The following TFEC variants were observed in gnomAD, a reference collection of about 807,000 sequenced individuals.
TFEC encodes transcription factor EC, also known as class E basic helix-loop-helix protein 34.
In TFEC, 31 loss-of-function variants were observed where a neutral mutation model predicts 41.6. That is an observed-to-expected ratio of 0.74 (90% CI 0.56 to 1.01). The LOEUF is 1.01. Ranked by LOEUF, TFEC falls within the 50% of genes least tolerant of loss-of-function variation. The probability of loss-of-function intolerance (pLI) is 0.00; values close to 1 mark genes in which losing one functional copy is unlikely to be tolerated. For synonymous variants in TFEC, 143 were observed against 140.6 expected (o/e 1.02, Z -0.12); for missense variants, 402 against 404.1 (o/e 0.99, Z 0.04).
At chr7:116,018,907 T>C (rs919367850) in intron 1 of TFEC, among the ~76,000 whole-genome samples, 1 of 152,148 alleles carries the variant, frequency 6.6e-6, no homozygotes, top group African/African-American at 2.4e-5. Context: ...CACAGCAGCC[T>C]GGAGGCTGAG....
At chr7:115,962,625 C>G (rs1175598628) in intron 3 of TFEC, among the ~76,000 whole-genome samples, 1 of 151,728 alleles carries the variant, frequency 6.6e-6, no homozygotes, top group Non-Finnish European at 1.5e-5. Context: ...GTTGGAAAAA[C>G]TGGCTATCAT....
rs974632435 is a variant in TFEC, at chr7:115,995,091, T to G, written c.-72-10578A>C. ...AAACCATCATTCTGAGCAAACTATT[T>G]CAAGGACAGAAAACCAAACACCACA... On this transcript the variant is annotated intron_variant, in intron 1 of 7. Coordinates refer to ENST00000265440, the MANE Select transcript of TFEC (RefSeq NM_012252.4). Among the ~76,000 whole-genome samples, 10 of 150,658 alleles carry G rather than the reference T, an allele frequency of 6.6e-5. No individual in the cohort carries two copies. The South Asian group carries it at 1.5e-3, about 22-fold the overall frequency.
chr7:115,948,575 T>G (rs1240181427), intron 6 of TFEC, among the ~76,000 whole-genome samples: 1 of 152,168 alleles, frequency 6.6e-6, no homozygotes, highest in African/African-American at 2.4e-5. Context: ...ATCTGGCATA[T>G]AAACTGAACC....
At position 115,940,392 on chromosome 7, in the gene TFEC, C is replaced by A; in HGVS notation, c.*159G>T. ...ATAATTCATTAACACTATGATTTTT[C>A]TTCCTGCGAATTCTTCTGTTGCTTC... On this transcript the variant is annotated 3_prime_UTR_variant, in exon 8 of 8. Coordinates refer to ENST00000265440, the MANE Select transcript of TFEC (RefSeq NM_012252.4). 1.3e-6 allele frequency: 1 copy of A among 778,074 alleles called. No individual in the cohort carries two copies. Among genetic ancestry groups the A allele is most frequent in the Non-Finnish European group, 1.9e-6 (1 of 526,496 alleles). The allele number at this position is 778,074 out of a possible 1,614,324, so 48.2% of individuals were successfully genotyped here.
chr7:116,108,579 T>G (rs2116057241), intron 3 of TFEC, among the ~76,000 whole-genome samples: 1 of 152,258 alleles, frequency 6.6e-6, no homozygotes, highest in East Asian at 1.9e-4. Context: ...AAAATTAGAC[T>G]AAATTTTAGA....
At chr7:116,114,520 C>T (rs1397870919) in intron 1 of TFEC, among the ~76,000 whole-genome samples, 2 of 151,980 alleles carry the variant, frequency 1.3e-5, no homozygotes, top group African/African-American at 2.4e-5. Flanking sequence ...CTCCTCTGTA[C>T]ATTTGAGAGA....
chr7:116,046,617 C>A (rs1361888811), intron 3 of TFEC, among the ~76,000 whole-genome samples: 6 of 152,098 alleles, frequency 3.9e-5, no homozygotes, highest in Non-Finnish European at 8.8e-5. Flanking sequence ...AAGCCTTAAT[C>A]CAACATGAAT....
chr7:116,080,976 AGTGTGTGTGT>A (rs60317630), intron 3 of TFEC, among the ~76,000 whole-genome samples: 12 of 138,012 alleles, frequency 8.7e-5, no homozygotes, highest in South Asian at 2.4e-4. Flanking sequence ...AAGAAAATGT[AGTGTGTGTGT>A]GTGTGTGTGT....
chr7:116,121,020 T>C (rs1406390417), intron 1 of TFEC, among the ~76,000 whole-genome samples: 1 of 151,968 alleles, frequency 6.6e-6, no homozygotes, highest in Non-Finnish European at 1.5e-5. Context: ...AGTATTGCCA[T>C]GTGACTCAGC....
intron 2 of TFEC, among the ~76,000 whole-genome samples, chr7:115,978,592 A>G (rs942105605): frequency 5.3e-5 from 8 of 152,138 alleles, no homozygotes; most frequent in Non-Finnish European, 1.2e-4. Context: ...CAGATAGTCA[A>G]TCTCTCCACC....
At chr7:115,979,791 C>T (rs1220379283) in intron 2 of TFEC, among the ~76,000 whole-genome samples, 13 of 152,104 alleles carry the variant, frequency 8.5e-5, no homozygotes, top group Admixed American at 8.5e-4. Flanking sequence ...CATCTTCCAC[C>T]TTCACTTTCG....
chr7:115,941,516 G>A lies in TFEC; in HGVS notation c.663+377C>T, dbSNP rs138945527. The A allele has an allele frequency of 2.8e-3, 612 of 217,916 alleles. 2 individuals carry two copies. The highest frequency in any genetic ancestry group is 0.013 in the African/African-American group (588 of 44,032). The allele number at this position is 217,916 out of a possible 1,614,324, so 13.5% of individuals were successfully genotyped here. On this transcript the variant is annotated intron_variant, in intron 7 of 7. Transcript: ENST00000265440. Reference sequence around the variant, plus strand: ...TCCAATATAATGTAGAGAAACAAATGTTTTACTTAGTATTATTATTTGATT... The same window carrying A: ...TCCAATATAATGTAGAGAAACAAATATTTTACTTAGTATTATTATTTGATT...
At chr7:116,051,315 T>C (rs941566587) in intron 3 of TFEC, among the ~76,000 whole-genome samples, 2 of 152,144 alleles carry the variant, frequency 1.3e-5, no homozygotes, top group African/African-American at 4.8e-5. Flanking sequence ...AATAAATGAA[T>C]GAATAACCTT....
At chr7:116,056,380 G>A (rs368223031) in intron 3 of TFEC, among the ~76,000 whole-genome samples, 1 of 152,164 alleles carries the variant, frequency 6.6e-6, no homozygotes, top group East Asian at 1.9e-4. Context: ...AAAGCTACAG[G>A]GAAAGAGATT....
intron 3 of TFEC, among the ~76,000 whole-genome samples, chr7:115,960,162 T>A (rs1250088183): frequency 6.6e-6 from 1 of 151,444 alleles, no homozygotes; most frequent in East Asian, 1.9e-4. Flanking sequence ...AAAGAAAGAT[T>A]GTGTACAAAG....
At chr7:115,947,346 TCTTTGC>T (rs1791647250) in intron 6 of TFEC, among the ~76,000 whole-genome samples, 1 of 151,434 alleles carries the variant, frequency 6.6e-6, no homozygotes, top group Non-Finnish European at 1.5e-5. Flanking sequence ...TGGTTCCAAG[TCTTTGC>T]TATTGTGAAT....
chr7:115,947,470 T>G (rs1791657621), intron 6 of TFEC, among the ~76,000 whole-genome samples: 2 of 151,484 alleles, frequency 1.3e-5, no homozygotes, highest in African/African-American at 4.8e-5. Flanking sequence ...GTATTTCTAG[T>G]TCTAGATCCC....
intron 1 of TFEC, among the ~76,000 whole-genome samples, chr7:116,013,736 A>G (rs1207160613): frequency 6.6e-6 from 1 of 152,062 alleles, no homozygotes; most frequent in Non-Finnish European, 1.5e-5. Context: ...TTACTAGGGG[A>G]AAAAAATGTG....
rs1017222192 is a variant in TFEC at position 115,940,340 on chromosome 7, G to T, written c.*211C>A. ...AGTGGATTTGGACTCCGTAGTCAAA[G>T]AAGAAAACACCTTTTTTTCGCCCTC... On this transcript the variant is annotated 3_prime_UTR_variant, in exon 8 of 8. Coordinates refer to ENST00000265440, the MANE Select transcript of TFEC (RefSeq NM_012252.4). 1.6e-5 allele frequency: 8 copies of T among 504,592 alleles called. No individual in the cohort carries two copies. Among genetic ancestry groups the T allele is most frequent in the African/African-American group, 1.6e-4 (8 of 50,954 alleles). 31.3% of individuals were successfully genotyped at this position (504,592 alleles called of 1,614,324 possible).
Sources: allele counts gnomAD v4.1 joint callset (sites outside exome capture counted in the v4.1 genomes callset), GRCh38; gene constraint gnomAD v4.1.1; transcripts MANE v1.5; gene names NCBI Gene and HGNC (gene_info 2026-07-23, HGNC 2026-07-21).